TRIM14: variants seen among roughly 807,000 people sequenced by gnomAD.
The protein encoded by TRIM14 is tripartite motif-containing protein 14.
TRIM14 carries 28 observed loss-of-function variants against 44.5 expected under a neutral mutation model. The ratio of observed to expected loss-of-function variants is 0.63; its 90% CI spans 0.47 to 0.86. The LOEUF is 0.86. Among genes scored for constraint, TRIM14 ranks in the 40% least tolerant of loss-of-function variants. TRIM14 has a pLI of 0.00. For synonymous variants in TRIM14, 299 were observed against 269.2 expected (o/e 1.11, Z -1.08); for missense variants, 607 against 611.1 (o/e 0.99, Z 0.07).
At chr9:98,109,795 GT>G in intron 2 of TRIM14, 93 bp downstream of exon 2, 1 of 1,047,298 alleles carries the variant, frequency 9.5e-7, no homozygotes, top group Non-Finnish European at 1.4e-6. Flanking sequence ...TTCGCAGTTG[GT>G]TTTTATTTTC....
At chr9:98,077,479 G>A (rs1203169779) in intron 6 of TRIM14, among the ~76,000 whole-genome samples, 2 of 151,528 alleles carry the variant, frequency 1.3e-5, no homozygotes, top group Non-Finnish European at 2.9e-5. Flanking sequence ...CAAAGTGTTG[G>A]GATTACAGGT....
chr9:98,059,071 T>A, the TRIM14 span, among the ~76,000 whole-genome samples: 1 of 152,126 alleles, frequency 6.6e-6, no homozygotes, highest in Non-Finnish European at 1.5e-5. Flanking sequence ...TCACCCAGGC[T>A]GGAGTGCAGT....
At chr9:98,064,277 G>A (rs115400753), downstream of TRIM14, among the ~76,000 whole-genome samples, 2,561 of 151,674 alleles carry the variant, frequency 0.017, 78 homozygotes, top group African/African-American at 0.057. Context: ...TTTTAAAGAC[G>A]GAGTCTTGGT....
At chr9:98,082,911 C>G, downstream of TRIM14, 1 of 1,614,198 alleles carries the variant, frequency 6.2e-7, no homozygotes, top group African/African-American at 1.3e-5. Context: ...TGGACATGCT[C>G]ACCGTGAAGG....
chr9:98,117,739 A>G (rs896641934), intron 1 of TRIM14, among the ~76,000 whole-genome samples: 2 of 152,208 alleles, frequency 1.3e-5, no homozygotes, highest in Non-Finnish European at 2.9e-5. Context: ...GCCATCCTCA[A>G]GCTTTAGGCT....
At position 98,119,192 on chromosome 9, in the gene TRIM14, TCTCCACCTC is replaced by T; in HGVS notation, c.-13_-5del. On this transcript the variant is annotated 5_prime_UTR_variant, in exon 1 of 6. Coordinates refer to ENST00000341469, the MANE Select transcript of TRIM14 (RefSeq NM_014788.4). ...TCCCGGTCGCCGCGCCCGCCATTCA[TCTCCACCTC>T]CTCCGGCTCCCCGGGACACAGGGCG... The T allele has an allele frequency of 2.5e-6, 4 of 1,569,880 alleles. No individual in the cohort carries two copies. The South Asian group carries it at 4.6e-5, about 18-fold the overall frequency.
intron 6 of TRIM14, chr9:98,078,063 G>C (rs982314001): frequency 7.3e-7 from 1 of 1,373,430 alleles, no homozygotes; most frequent in African/African-American, 1.4e-5. Flanking sequence ...CCCCCACAGG[G>C]GCTGGCACAG....
the TRIM14 span, among the ~76,000 whole-genome samples, chr9:98,052,495 A>G: frequency 1.3e-5 from 2 of 151,880 alleles, no homozygotes; most frequent in Non-Finnish European, 2.9e-5. Flanking sequence ...TCTTAAAAAA[A>G]AAACTGTTAA....
chr9:98,054,490 T>C, the TRIM14 span, among the ~76,000 whole-genome samples: 2 of 152,078 alleles, frequency 1.3e-5, no homozygotes, highest in Non-Finnish European at 2.9e-5. Context: ...GCACCTAGAC[T>C]ACTCACCAAA....
intron 6 of TRIM14, chr9:98,077,971 G>A (rs951679916): frequency 1.7e-6 from 1 of 578,246 alleles, no homozygotes; most frequent in East Asian, 2.9e-5. Context: ...AGTTCCTTTT[G>A]CTCAAGAACA....
downstream of TRIM14, chr9:98,080,717 T>G (rs1381042307): frequency 7.3e-7 from 1 of 1,365,778 alleles, no homozygotes; most frequent in African/African-American, 1.5e-5. Context: ...GCACAGCTAG[T>G]GAGTGGCTAA....
chr9:98,102,247 T>C (rs1384563522), intron 2 of TRIM14, among the ~76,000 whole-genome samples: 1 of 152,190 alleles, frequency 6.6e-6, no homozygotes, highest in Non-Finnish European at 1.5e-5. Flanking sequence ...CTCCAGCTCC[T>C]GCCTCTTTGC....
chr9:98,112,719 A>C (rs547285501), intron 1 of TRIM14, among the ~76,000 whole-genome samples: 38 of 150,648 alleles, frequency 2.5e-4, no homozygotes, highest in Admixed American at 2.2e-3. Flanking sequence ...GATCACTTGA[A>C]TCTGGGAGGT....
chr9:98,051,044 G>A, the TRIM14 span, among the ~76,000 whole-genome samples: 1 of 152,158 alleles, frequency 6.6e-6, no homozygotes, highest in Non-Finnish European at 1.5e-5. Flanking sequence ...AAAGTGCTGG[G>A]ATTACAGGAG....
At chr9:98,067,197 T>C (rs1480408547), downstream of TRIM14, among the ~76,000 whole-genome samples, 2 of 152,228 alleles carry the variant, frequency 1.3e-5, no homozygotes, top group Non-Finnish European at 2.9e-5. Context: ...TTGGCTGTTA[T>C]GAATAATGCT....
At chr9:98,055,341 A>G in the TRIM14 span, among the ~76,000 whole-genome samples, 1 of 152,112 alleles carries the variant, frequency 6.6e-6, no homozygotes, top group East Asian at 1.9e-4. Flanking sequence ...GTTTTTAAGG[A>G]TAATGTGGTG....
chr9:98,065,539 A>G (rs192146195), downstream of TRIM14, among the ~76,000 whole-genome samples: 27 of 116,394 alleles, frequency 2.3e-4, no homozygotes, highest in Admixed American at 2.9e-3. Flanking sequence ...GGGTTTCACC[A>G]TGTTGGCCAG....
At chr9:98,117,827 G>A (rs1472900051) in intron 1 of TRIM14, among the ~76,000 whole-genome samples, 1 of 152,176 alleles carries the variant, frequency 6.6e-6, no homozygotes, top group Non-Finnish European at 1.5e-5. Flanking sequence ...TAGGGGGATG[G>A]ACAAATGGAT....
chr9:98,106,498 C>T lies in TRIM14; in HGVS notation c.303+3391G>A, dbSNP rs1826616575. On this transcript the variant is annotated intron_variant, in intron 2 of 5. Coordinates refer to ENST00000341469, the MANE Select transcript of TRIM14 (RefSeq NM_014788.4). ...ATCTGCCCCCACATGAGAGTGCAGG[C>T]ATAGGGTGGCAATATCTTTCTAATT... Among the ~76,000 whole-genome samples, 4 of 152,206 alleles carry T rather than the reference C, an allele frequency of 2.6e-5. 1 individual carries two copies. The South Asian group carries it at 8.3e-4, about 31-fold the overall frequency.
Sources: allele counts gnomAD v4.1 joint callset (sites outside exome capture counted in the v4.1 genomes callset), GRCh38; gene constraint gnomAD v4.1.1; transcripts MANE v1.5; gene names NCBI Gene and HGNC (gene_info 2026-07-23, HGNC 2026-07-21).